The following NR1I2 variants were observed in gnomAD, a reference collection of about 807,000 sequenced individuals.
NR1I2 encodes the protein orphan nuclear receptor PAR1.
NR1I2 carries 42 observed loss-of-function variants against 43.3 expected under a neutral mutation model. The observed-to-expected ratio is 0.97, with a 90% CI of 0.76 to 1.26. The LOEUF is 1.26. Among genes scored for constraint, NR1I2 ranks in the 50% most tolerant of loss-of-function variants. The pLI, the probability that NR1I2 is intolerant of heterozygous loss-of-function variation, is 0.00. For missense variants in NR1I2, 559 were observed against 566.7 expected (o/e 0.99, Z 0.14); for synonymous variants, 229 against 215.0 (o/e 1.06, Z -0.57).
chr3:119,813,764 G>A (rs528294153), intron 5 of NR1I2, among the ~76,000 whole-genome samples: 10 of 152,280 alleles, frequency 6.6e-5, no homozygotes, highest in East Asian at 3.9e-4. Flanking sequence ...TCAGATGGTA[G>A]CAAATAAGCT....
At chr3:119,792,161 T>C (rs546868586) in intron 1 of NR1I2, 1 of 919,814 alleles carries the variant, frequency 1.1e-6, no homozygotes, top group South Asian at 1.3e-5. Context: ...GAGAAGACTA[T>C]GATGAGCGTG....
In NR1I2 at chr3:119,793,852, G is replaced by A. The variant is rs1299160915; in HGVS notation, c.-23+11552G>A. On this transcript the variant is annotated intron_variant, in intron 1 of 8. Coordinates refer to ENST00000393716, the MANE Select transcript of NR1I2 (RefSeq NM_003889.4). ...ACGATCAAAAACATTATAGAGGCAT[G>A]CCAGGCAATTAATTAATGAAAGTGT... Among the ~76,000 whole-genome samples, 4 of 152,278 alleles carry A rather than the reference G, an allele frequency of 2.6e-5. No individual in the cohort carries two copies. In the South Asian group the frequency reaches 6.2e-4, roughly 24 times the overall value.
intron 1 of NR1I2, among the ~76,000 whole-genome samples, chr3:119,788,611 A>AT (rs1454206866): frequency 1.3e-5 from 2 of 150,308 alleles, no homozygotes; most frequent in Non-Finnish European, 3.0e-5. Context: ...CTAATTTTTT[A>AT]TTTTTTTGTA....
At chr3:119,800,686 AT>A (rs2055066691) in intron 1 of NR1I2, among the ~76,000 whole-genome samples, 1 of 152,164 alleles carries the variant, frequency 6.6e-6, no homozygotes, top group African/African-American at 2.4e-5. Flanking sequence ...ATAGGACAAG[AT>A]GCCTCTGGAT....
intron 7 of NR1I2, 41 bp from the exon 8 acceptor site, chr3:119,815,685 C>T: frequency 2.0e-6 from 3 of 1,537,500 alleles, no homozygotes; most frequent in Non-Finnish European, 2.7e-6. Flanking sequence ...CTGAGCTTGT[C>T]TTTGCCCCAT....
Position 119,811,623 on chromosome 3 carries a change from G to A in NR1I2, c.416G>A (p.Gly139Glu). 2 of 1,614,016 alleles carry A rather than the reference G, an allele frequency of 1.2e-6. No homozygotes were observed. The highest frequency in any genetic ancestry group is 1.7e-6 in the Non-Finnish European group (2 of 1,179,948). The change falls in exon 4 of 9, where the codon GGA becomes GAA. Residue 139 changes from glycine (G) to glutamate (E), a missense_variant. By Grantham distance (98) the Gly-to-Glu change is moderately conservative. Transcript: ENST00000393716. ...GAACGGACAGGGACTCAGCCACTGG[G>A]AGTGCAGGGGCTGACAGAGGAGCAG...
intron 5 of NR1I2, 109 bp from the exon 6 acceptor site, chr3:119,814,870 C>T: frequency 1.5e-6 from 2 of 1,373,690 alleles, no homozygotes; most frequent in Non-Finnish European, 2.0e-6. Context: ...AAGGAGCCAT[C>T]CTCCCTCTTC....
intron 5 of NR1I2, among the ~76,000 whole-genome samples, chr3:119,813,243 A>G (rs560140457): frequency 6.6e-6 from 1 of 152,386 alleles, no homozygotes; most frequent in African/African-American, 2.4e-5. Flanking sequence ...AAATAAGAAC[A>G]CATCCGAAGA....
chr3:119,810,293 A>C, intron 3 of NR1I2, 99 bp downstream of exon 3: 2 of 1,486,892 alleles, frequency 1.3e-6, no homozygotes, highest in Middle Eastern at 2.1e-4. Flanking sequence ...ATGCGCGCCG[A>C]GTGTGCGCGT....
chr3:119,785,348 C>A (rs1461326507), intron 1 of NR1I2, among the ~76,000 whole-genome samples: 3 of 152,212 alleles, frequency 2.0e-5, no homozygotes, highest in Non-Finnish European at 4.4e-5. Context: ...TTGCCAGGAA[C>A]CTGAGGACAG....
At chr3:119,807,080 A>G in intron 1 of NR1I2, 149 bp from the exon 2 acceptor site, 1 of 712,200 alleles carries the variant, frequency 1.4e-6, no homozygotes. Context: ...TCCAACCCCC[A>G]TTCCCCGCTT....
chr3:119,816,808 G>A (rs1247837006), intron 8 of NR1I2, among the ~76,000 whole-genome samples: 36 of 145,856 alleles, frequency 2.5e-4, no homozygotes, highest in African/African-American at 8.7e-4. Flanking sequence ...GTGACAGAAC[G>A]AGATCCTGTC....
intron 6 of NR1I2, 61 bp from the exon 7 acceptor site, chr3:119,815,262 G>A: frequency 6.4e-6 from 10 of 1,567,908 alleles, no homozygotes; most frequent in Non-Finnish European, 7.9e-6. Flanking sequence ...ATTGGTGAGG[G>A]ATGATTAGAT....
At chr3:119,791,208 T>G (rs1379094628) in intron 1 of NR1I2, among the ~76,000 whole-genome samples, 1 of 152,216 alleles carries the variant, frequency 6.6e-6, no homozygotes, top group African/African-American at 2.4e-5. Context: ...TACTTGTCCC[T>G]GGGACAGAGC....
intron 1 of NR1I2, 46 bp from the exon 2 acceptor site, chr3:119,807,183 C>T: frequency 6.5e-7 from 1 of 1,539,764 alleles, no homozygotes; most frequent in Non-Finnish European, 9.0e-7. Context: ...GGCCTCTACA[C>T]ATCCCTGTCC....
chr3:119,804,593 C>T (rs1217292316), intron 1 of NR1I2, among the ~76,000 whole-genome samples: 1 of 151,668 alleles, frequency 6.6e-6, no homozygotes, highest in Admixed American at 6.6e-5. Context: ...TATAGGCACC[C>T]GCCACCACTT....
chr3:119,795,377 TG>T lies in NR1I2; in HGVS notation c.-22-11851del, dbSNP rs554335485. Among the ~76,000 whole-genome samples the T allele has an allele frequency of 3.9e-5, 6 of 152,354 alleles. No homozygotes were observed. The South Asian group carries it at 1.2e-3, about 32-fold the overall frequency. ...TGTACTGTGAATTCCTTCAGTCTCC[TG>T]CTCTGCTCAGCCAGTCAGCCCTGCC... On this transcript the variant is annotated intron_variant, in intron 1 of 8. Coordinates refer to ENST00000393716, the MANE Select transcript of NR1I2 (RefSeq NM_003889.4).
intron 2 of NR1I2, 96 bp from the exon 3 acceptor site, chr3:119,809,965 G>C (rs1213251674): frequency 2.0e-6 from 3 of 1,513,568 alleles, no homozygotes; most frequent in Non-Finnish European, 1.8e-6. Context: ...TCCCCGAGTC[G>C]GTAGGGGCTG....
At position 119,807,209 on chromosome 3, in the gene NR1I2, T is replaced by C. The variant is rs12721597; in HGVS notation, c.-22-20T>C. On this transcript the variant is annotated intron_variant, in intron 1 of 8. Coordinates refer to ENST00000393716, the MANE Select transcript of NR1I2 (RefSeq NM_003889.4). ...ATCCCTGTCCAGTCTTTTCATTCTC[T>C]GTGGTTTTCTCATTTCTAGTCCAAG... The C allele has an allele frequency of 3.7e-3, 5,858 of 1,604,864 alleles. 127 individuals are homozygous for C. In the African/African-American group the frequency reaches 0.045, roughly 12 times the overall value.
Sources: allele counts gnomAD v4.1 joint callset (sites outside exome capture counted in the v4.1 genomes callset), GRCh38; gene constraint gnomAD v4.1.1; transcripts MANE v1.5; gene names NCBI Gene and HGNC (gene_info 2026-07-23, HGNC 2026-07-21).